CNTN4: variants seen among roughly 807,000 people sequenced by gnomAD.
CNTN4 encodes the protein contactin-4.
CNTN4 carries 77 observed loss-of-function variants against 122.5 expected under a neutral mutation model. The ratio of observed to expected loss-of-function variants is 0.63; its 90% CI spans 0.52 to 0.76. The LOEUF (loss-of-function observed/expected upper bound fraction) is 0.76, where lower values mean the gene tolerates loss of function less well. Among genes scored for constraint, CNTN4 ranks in the 30% least tolerant of loss-of-function variants. CNTN4 has a pLI of 0.00. For synonymous variants in CNTN4, 512 were observed against 447.0 expected (o/e 1.15, Z -1.83); for missense variants, 1,256 against 1,259.1 (o/e 1.00, Z 0.04).
chr3:2,490,842 A>C (rs956139389), intron 3 of CNTN4, among the ~76,000 whole-genome samples: 9 of 152,096 alleles, frequency 5.9e-5, no homozygotes, highest in Non-Finnish European at 1.2e-4. Context: ...GAAATGAGAA[A>C]CTTCAGCTGA....
intron 6 of CNTN4, among the ~76,000 whole-genome samples, chr3:2,783,457 G>C (rs535367866): frequency 3.2e-4 from 49 of 152,220 alleles, no homozygotes; most frequent in African/African-American, 1.0e-3. Flanking sequence ...ATCTCCAGAG[G>C]CAGTTCATTG....
chr3:2,627,700 A>T (rs189413828), intron 4 of CNTN4, among the ~76,000 whole-genome samples: 1 of 151,830 alleles, frequency 6.6e-6, no homozygotes, highest in Non-Finnish European at 1.5e-5. Flanking sequence ...TCACCGTGTT[A>T]GCCAGGATGG....
intron 3 of CNTN4, among the ~76,000 whole-genome samples, chr3:2,433,420 A>G (rs1002170414): frequency 6.6e-6 from 1 of 152,152 alleles, no homozygotes; most frequent in Non-Finnish European, 1.5e-5. Flanking sequence ...CCTATTGGCC[A>G]TTTGTATGTC....
At chr3:3,005,560 C>A (rs1240823203) in intron 14 of CNTN4, among the ~76,000 whole-genome samples, 1 of 151,956 alleles carries the variant, frequency 6.6e-6, no homozygotes, top group Non-Finnish European at 1.5e-5. Flanking sequence ...AAATTTATTT[C>A]TCACAGTTCT....
At chr3:2,156,900 C>G (rs942022460) in intron 2 of CNTN4, among the ~76,000 whole-genome samples, 29 of 152,138 alleles carry the variant, frequency 1.9e-4, no homozygotes, top group African/African-American at 7.0e-4. Flanking sequence ...GGAAGTCTGA[C>G]CCTCTTGGAT....
At chr3:3,021,296 T>C (rs1698266815) in intron 14 of CNTN4, among the ~76,000 whole-genome samples, 1 of 152,182 alleles carries the variant, frequency 6.6e-6, no homozygotes, top group African/African-American at 2.4e-5. Flanking sequence ...GAAAAAATGG[T>C]GCCAACTATA....
At chr3:2,620,575 G>A (rs2081954504) in intron 4 of CNTN4, among the ~76,000 whole-genome samples, 1 of 152,040 alleles carries the variant, frequency 6.6e-6, no homozygotes, top group Non-Finnish European at 1.5e-5. Context: ...TAAAATATTA[G>A]CCTCATACCT....
intron 6 of CNTN4, among the ~76,000 whole-genome samples, chr3:2,750,951 A>G (rs1471257537): frequency 6.6e-6 from 1 of 152,104 alleles, no homozygotes; most frequent in African/African-American, 2.4e-5. Flanking sequence ...AAGACAGTTG[A>G]CATCTTAATT....
chr3:2,661,528 C>G (rs2083893621), intron 4 of CNTN4, among the ~76,000 whole-genome samples: 1 of 151,564 alleles, frequency 6.6e-6, no homozygotes, highest in South Asian at 2.1e-4. Flanking sequence ...AAAAAAAAAT[C>G]CTGGCCAGGC....
intron 4 of CNTN4, chr3:2,735,817 C>T (rs2089044544): frequency 5.2e-6 from 2 of 381,304 alleles, no homozygotes; most frequent in Admixed American, 3.7e-5. Context: ...CTCATTACAG[C>T]ACAGAAAAAA....
intron 4 of CNTN4, among the ~76,000 whole-genome samples, chr3:2,576,104 GA>G (rs1438064880): frequency 1.3e-5 from 2 of 151,992 alleles, no homozygotes; most frequent in Non-Finnish European, 2.9e-5. Context: ...CAGAGTGCTG[GA>G]ATTACAGGCG....
At chr3:2,280,121 TTTTTTA>T (rs1040944009) in intron 2 of CNTN4, among the ~76,000 whole-genome samples, 2 of 152,186 alleles carry the variant, frequency 1.3e-5, no homozygotes, top group African/African-American at 2.4e-5. Flanking sequence ...ATGCATTTAT[TTTTTTA>T]TTTTTATCTT....
intron 3 of CNTN4, among the ~76,000 whole-genome samples, chr3:2,371,997 G>A (rs1052174576): frequency 1.1e-4 from 16 of 152,098 alleles, no homozygotes; most frequent in African/African-American, 3.4e-4. Context: ...TGTGCTGTTT[G>A]GCTTAAATAG....
At chr3:2,781,058 A>G (rs573383920) in intron 6 of CNTN4, among the ~76,000 whole-genome samples, 12 of 152,216 alleles carry the variant, frequency 7.9e-5, no homozygotes, top group Non-Finnish European at 1.6e-4. Context: ...AATGGGAAAA[A>G]TAAAAAGAAA....
intron 8 of CNTN4, 141 bp downstream of exon 8, chr3:2,867,090 A>C (rs1009671362): frequency 1.3e-6 from 1 of 761,698 alleles, no homozygotes. Context: ...TTTGGTACCC[A>C]TATTTTCTCC....
chr3:2,773,517 T>A (rs1256455428), intron 6 of CNTN4, among the ~76,000 whole-genome samples: 1 of 152,124 alleles, frequency 6.6e-6, no homozygotes, highest in Non-Finnish European at 1.5e-5. Context: ...ACTTGGCAAC[T>A]GGAGGAAGAC....
chr3:2,205,102 A>G (rs2038278236), intron 2 of CNTN4, among the ~76,000 whole-genome samples: 1 of 151,780 alleles, frequency 6.6e-6, no homozygotes. Context: ...GTAAACACCA[A>G]TTGTCTAGCA....
intron 6 of CNTN4, among the ~76,000 whole-genome samples, chr3:2,788,857 G>T (rs577003523): frequency 6.6e-6 from 1 of 152,208 alleles, no homozygotes; most frequent in Admixed American, 6.5e-5. Flanking sequence ...GAAATGACAA[G>T]AAAAATTTTC....
chr3:2,722,187 A>T (rs559206247), intron 4 of CNTN4, among the ~76,000 whole-genome samples: 1 of 152,310 alleles, frequency 6.6e-6, no homozygotes, highest in South Asian at 2.1e-4. Context: ...CTTTCTTGAT[A>T]TACTTAACTT....
Sources: gnomAD v4.1 joint callset for allele counts (sites outside exome capture counted in the v4.1 genomes callset) on GRCh38, gnomAD v4.1.1 for gene constraint, MANE v1.5 for transcripts, NCBI Gene and HGNC (gene_info 2026-07-23, HGNC 2026-07-21) for gene names.